SORCS3: variants seen among roughly 807,000 people sequenced by gnomAD.
SORCS3 encodes VPS10 domain-containing receptor SorCS3.
SORCS3 carries 57 observed loss-of-function variants against 146.3 expected under a neutral mutation model. The ratio of observed to expected loss-of-function variants is 0.39; its 90% confidence interval spans 0.31 to 0.49. SORCS3 has a LOEUF of 0.49. Ranked by LOEUF, SORCS3 falls within the 20% of genes least tolerant of loss-of-function variation. The pLI is 0.92. For missense variants in SORCS3, 1,341 were observed against 1,575.5 expected (o/e 0.85, Z 2.52); for synonymous variants, 653 against 618.5 (o/e 1.06, Z -0.83).
At chr10:104,988,023 C>G (rs371757130) in intron 4 of SORCS3, among the ~76,000 whole-genome samples, 7 of 152,170 alleles carry the variant, frequency 4.6e-5, no homozygotes, top group East Asian at 3.9e-4. Context: ...ATGTGTGGCA[C>G]TGACAAATTC....
intron 3 of SORCS3, among the ~76,000 whole-genome samples, chr10:104,935,852 G>A (rs763938833): frequency 1.3e-5 from 2 of 152,178 alleles, no homozygotes; most frequent in South Asian, 2.1e-4. Flanking sequence ...TGGTTTGGGT[G>A]GAGTGAAAGC....
intron 2 of SORCS3, among the ~76,000 whole-genome samples, chr10:104,872,390 TGCTGAAGTCTTTG>T (rs2018527810): frequency 6.6e-6 from 1 of 152,142 alleles, no homozygotes; most frequent in African/African-American, 2.4e-5. Context: ...TCTATTTGCA[TGCTGAAGTCTTTG>T]GCCCAGGGAA....
intron 1 of SORCS3, among the ~76,000 whole-genome samples, chr10:104,791,715 A>T (rs1307064512): frequency 6.6e-6 from 1 of 152,170 alleles, no homozygotes; most frequent in Non-Finnish European, 1.5e-5. Context: ...CTTTGGCTGC[A>T]GTGTGGATGA....
chr10:104,696,135 C>A (rs2016180882), intron 1 of SORCS3, among the ~76,000 whole-genome samples: 1 of 97,780 alleles, frequency 1.0e-5, no homozygotes, highest in African/African-American at 4.0e-5. Context: ...ATATCATATA[C>A]ACATATTATA....
chr10:104,720,177 C>A (rs752226256), intron 1 of SORCS3, among the ~76,000 whole-genome samples: 1 of 151,730 alleles, frequency 6.6e-6, no homozygotes, highest in African/African-American at 2.4e-5. Context: ...CTTCCTGTGT[C>A]CATGTGTTCT....
At chr10:104,721,761 T>A (rs1026741974) in intron 1 of SORCS3, among the ~76,000 whole-genome samples, 3 of 152,090 alleles carry the variant, frequency 2.0e-5, no homozygotes, top group Admixed American at 6.5e-5. Context: ...AGTTCACTCA[T>A]GATTTGGCTC....
chr10:104,974,926 A>G (rs2054885933), intron 3 of SORCS3, among the ~76,000 whole-genome samples: 1 of 152,110 alleles, frequency 6.6e-6, no homozygotes, highest in Middle Eastern at 3.2e-3. Flanking sequence ...GCTTGTCTGT[A>G]AAGTATTTTA....
At chr10:104,720,771 C>G (rs537738444) in intron 1 of SORCS3, among the ~76,000 whole-genome samples, 55 of 152,322 alleles carry the variant, frequency 3.6e-4, no homozygotes, top group African/African-American at 1.1e-3. Flanking sequence ...GCATAAATGT[C>G]TTCTTTTGAG....
intron 7 of SORCS3, among the ~76,000 whole-genome samples, chr10:105,125,783 G>A (rs2055969761): frequency 6.6e-6 from 1 of 151,894 alleles, no homozygotes; most frequent in Non-Finnish European, 1.5e-5. Flanking sequence ...CCAAGGAAGT[G>A]AGTGGTTGTG....
intron 4 of SORCS3, among the ~76,000 whole-genome samples, chr10:104,986,420 A>T (rs1027904478): frequency 6.6e-6 from 1 of 152,210 alleles, no homozygotes; most frequent in East Asian, 1.9e-4. Flanking sequence ...AACTTTCTTT[A>T]TATCAGCAAT....
chr10:104,836,064 G>A (rs1008536019), intron 1 of SORCS3, among the ~76,000 whole-genome samples: 2 of 152,166 alleles, frequency 1.3e-5, no homozygotes, highest in African/African-American at 4.8e-5. Flanking sequence ...TTTCCATGTG[G>A]CCTTGCAAGC....
intron 7 of SORCS3, among the ~76,000 whole-genome samples, chr10:105,136,317 G>C (rs1480639668): frequency 6.6e-6 from 1 of 152,176 alleles, no homozygotes; most frequent in Non-Finnish European, 1.5e-5. Context: ...GGAAAAAAGA[G>C]GGTTAGCTAA....
At chr10:104,668,527 G>A (rs2015812006) in intron 1 of SORCS3, among the ~76,000 whole-genome samples, 1 of 152,096 alleles carries the variant, frequency 6.6e-6, no homozygotes. Flanking sequence ...AAATAGGCAT[G>A]AATATATATT....
Position 105,217,048 on chromosome 10 carries a change from G to A in SORCS3, c.2660G>A (p.Gly887Glu). Reference sequence around the variant, plus strand: ...ATCAAGCACGTGTATAAGAGTGCGGGGATCTTCCAGGTGACAGCCTATGCA... The same window carrying A: ...ATCAAGCACGTGTATAAGAGTGCGGAGATCTTCCAGGTGACAGCCTATGCA... ...DGIKHVYKSA[G>E]IFQVTAYAEN... is the part of the protein sequence containing the mutation. The change falls in exon 19 of 27, where the codon GGG becomes GAG. Residue 887 changes from glycine (G) to glutamate (E), a missense_variant. Transcript: ENST00000369701. The A allele has an allele frequency of 6.2e-7, 1 of 1,614,164 alleles. No homozygotes were observed. Among genetic ancestry groups the A allele is most frequent in the Admixed American group, 1.7e-5 (1 of 60,022 alleles).
At chr10:105,138,373 T>C (rs1446260547) in intron 7 of SORCS3, among the ~76,000 whole-genome samples, 1 of 152,194 alleles carries the variant, frequency 6.6e-6, no homozygotes, top group Non-Finnish European at 1.5e-5. Context: ...ACAGCTCTTC[T>C]GCTCCCAGTA....
intron 11 of SORCS3, among the ~76,000 whole-genome samples, chr10:105,159,279 G>A (rs1000350421): frequency 6.6e-6 from 1 of 152,168 alleles, no homozygotes; most frequent in African/African-American, 2.4e-5. Context: ...CAATCAGAAT[G>A]GTTGTTTGTA....
In SORCS3 at chr10:105,070,748, A is replaced by G. The variant is rs538716710; in HGVS notation, c.1029-19027A>G. ...TAGCTCAGGAGCATCTGTTGAATAAACAAGATATCTGATGTGCCATTTGCT... is the reference window on the plus strand; with the variant it reads ...TAGCTCAGGAGCATCTGTTGAATAAGCAAGATATCTGATGTGCCATTTGCT... On this transcript the variant is annotated intron_variant, in intron 5 of 26. Transcript: ENST00000369701. Among the ~76,000 whole-genome samples the G allele has an allele frequency of 1.4e-3, 208 of 152,328 alleles. 2 individuals are homozygous for G. The highest frequency in any genetic ancestry group is 4.7e-3 in the African/African-American group (195 of 41,586).
intron 5 of SORCS3, among the ~76,000 whole-genome samples, chr10:105,065,497 A>C (rs2055517060): frequency 6.6e-6 from 1 of 152,148 alleles, no homozygotes; most frequent in Non-Finnish European, 1.5e-5. Flanking sequence ...TCCAGTGCTA[A>C]AAGCCTTATA....
intron 7 of SORCS3, among the ~76,000 whole-genome samples, chr10:105,127,473 T>C (rs1021106535): frequency 1.7e-4 from 26 of 152,086 alleles, no homozygotes; most frequent in African/African-American, 6.0e-4. Flanking sequence ...TCAAGCAGCC[T>C]TCCTAGGCCT....
Sources: allele counts gnomAD v4.1 joint callset (sites outside exome capture counted in the v4.1 genomes callset), GRCh38; gene constraint gnomAD v4.1.1; transcripts MANE v1.5; gene names NCBI Gene and HGNC (gene_info 2026-07-23, HGNC 2026-07-21).